The following EPB41L5 variants were observed in gnomAD, a reference collection of about 807,000 sequenced individuals.
The protein encoded by EPB41L5 is erythrocyte membrane protein band 4.1 like 5, also known as band 4.1-like protein 5.
A neutral mutation model predicts 106.6 loss-of-function variants in EPB41L5; 55 were observed. The ratio of observed to expected loss-of-function variants is 0.52; its 90% confidence interval spans 0.42 to 0.65. EPB41L5 has a LOEUF of 0.65. EPB41L5 is among the 30% of genes least tolerant of loss of function. EPB41L5 has a pLI of 0.00. For missense variants in EPB41L5, 871 were observed against 882.1 expected, an observed-to-expected ratio of 0.99 and a Z score of 0.16; for synonymous variants, 297 against 306.7, an observed-to-expected ratio of 0.97 and a Z score of 0.33.
intron 18 of EPB41L5, among the ~76,000 whole-genome samples, chr2:120,135,822 C>T (rs544117300): frequency 5.0e-4 from 76 of 152,104 alleles, no homozygotes; most frequent in Middle Eastern, 6.8e-3. Flanking sequence ...CCAGACCTGT[C>T]TTATAAGAAA....
At chr2:120,140,543 G>A (rs1686126998) in intron 18 of EPB41L5, among the ~76,000 whole-genome samples, 1 of 152,026 alleles carries the variant, frequency 6.6e-6, no homozygotes. Flanking sequence ...AACTTGAGTA[G>A]AAGTTGAGCC....
At position 120,091,558 on chromosome 2, in the gene EPB41L5, G is replaced by C. The variant is rs1255545247; in HGVS notation, c.1047G>C (p.Gly349=). The part of the protein sequence containing the change: ...IRLGSRFRYS[G]KTEYQTTKTN... ...ACTTCTGTTATGCCTCATTTAGTGG[G>C]AAAACAGAGTATCAGACCACAAAAA... Residue 349 remains glycine, a synonymous_variant, in exon 13 of 25, where the codon GGG becomes GGC. Transcript: ENST00000263713. The C allele has an allele frequency of 6.2e-7, 1 of 1,612,472 alleles. No individual in the cohort carries two copies. The highest frequency in any genetic ancestry group is 8.5e-7 in the Non-Finnish European group (1 of 1,178,852).
At chr2:120,067,927 C>A (rs13022293) in intron 3 of EPB41L5, among the ~76,000 whole-genome samples, 104,585 of 152,056 alleles carry the variant, frequency 0.69, 37,521 homozygotes, top group Non-Finnish European at 0.79. Context: ...CAAAATTTAG[C>A]ATGTCATCCT....
intron 17 of EPB41L5, 92 bp from the exon 18 acceptor site, chr2:120,131,526 G>T (rs1303391128): frequency 1.4e-5 from 11 of 768,728 alleles, no homozygotes; most frequent in East Asian, 4.9e-5. Context: ...GATAACTGAT[G>T]TTGAGAAGAC....
chr2:120,132,446 C>CA (rs1162622501), intron 18 of EPB41L5, among the ~76,000 whole-genome samples: 1 of 152,144 alleles, frequency 6.6e-6, no homozygotes, highest in Non-Finnish European at 1.5e-5. Context: ...ACGGCTGACT[C>CA]ACGGTGTTCT....
chr2:120,134,671 G>A (rs779314902), intron 18 of EPB41L5, among the ~76,000 whole-genome samples: 16 of 152,168 alleles, frequency 1.1e-4, no homozygotes, highest in Non-Finnish European at 1.8e-4. Context: ...GAATTCTCCC[G>A]GATCTTACCC....
intron 16 of EPB41L5, among the ~76,000 whole-genome samples, chr2:120,124,089 G>T (rs910771343): frequency 1.3e-5 from 2 of 152,324 alleles, no homozygotes; most frequent in Non-Finnish European, 2.9e-5. Context: ...GATGGCGTAT[G>T]TGCAAATGCT....
chr2:120,137,708 TAA>T (rs1026597695), intron 18 of EPB41L5, among the ~76,000 whole-genome samples: 2 of 151,990 alleles, frequency 1.3e-5, no homozygotes, highest in Non-Finnish European at 2.9e-5. Flanking sequence ...GAAGCTGTAA[TAA>T]AAAGTCTCCC....
intron 3 of EPB41L5, among the ~76,000 whole-genome samples, chr2:120,068,961 C>G (rs1681655073): frequency 6.6e-6 from 1 of 151,680 alleles, no homozygotes; most frequent in South Asian, 2.1e-4. Context: ...AACCCTGTCT[C>G]TACTAAAAAT....
At chr2:120,038,971 A>G (rs910750559) in intron 2 of EPB41L5, among the ~76,000 whole-genome samples, 1 of 152,224 alleles carries the variant, frequency 6.6e-6, no homozygotes, top group African/African-American at 2.4e-5. Context: ...TTTATATGCA[A>G]TGGAATATTT....
chr2:120,039,789 C>T (rs1679281320), intron 2 of EPB41L5, among the ~76,000 whole-genome samples: 1 of 146,910 alleles, frequency 6.8e-6, no homozygotes, highest in African/African-American at 2.5e-5. Flanking sequence ...TGTGCCATTG[C>T]ACTCCAGTCT....
chr2:120,133,072 C>T (rs1255240318), intron 18 of EPB41L5, among the ~76,000 whole-genome samples: 1 of 151,904 alleles, frequency 6.6e-6, no homozygotes, highest in Admixed American at 6.5e-5. Context: ...AGTAAAGGAG[C>T]ACTTTAGGTG....
intron 20 of EPB41L5, among the ~76,000 whole-genome samples, chr2:120,149,995 C>T (rs1293952645): frequency 2.0e-5 from 3 of 149,170 alleles, no homozygotes; most frequent in Non-Finnish European, 3.0e-5. Context: ...TAGGCTCAAA[C>T]GATCCTCCCA....
At position 120,078,500 on chromosome 2, in the gene EPB41L5, A is replaced by G. The variant is rs1218969596; in HGVS notation, c.722A>G (p.Asp241Gly). Residue 241 changes from aspartate (D) to glycine (G), a missense_variant, in exon 10 of 25, where the codon GAT becomes GGT. By Grantham distance (94) the Asp-to-Gly change is moderately conservative. Coordinates refer to ENST00000263713, the MANE Select transcript of EPB41L5 (RefSeq NM_020909.4). ...TTTCTCCCCTTAAATTAGGCTAGAG[A>G]TGGGAATGACTATAGTTTGGGACTA... ...GVDMHVVKAR[D>G]GNDYSLGLTP... is the part of the protein sequence containing the mutation. The G allele has an allele frequency of 6.2e-7, 1 of 1,603,714 alleles. No individual in the cohort carries two copies. Among genetic ancestry groups the G allele is most frequent in the Non-Finnish European group, 8.5e-7 (1 of 1,175,482 alleles).
intron 16 of EPB41L5, among the ~76,000 whole-genome samples, chr2:120,114,027 G>A (rs1292518474): frequency 1.3e-5 from 2 of 152,142 alleles, no homozygotes; most frequent in Admixed American, 6.5e-5. Flanking sequence ...AAATTATTGG[G>A]TCATATAGTA....
intron 16 of EPB41L5, chr2:120,104,127 C>T (rs1018997721): frequency 6.5e-6 from 10 of 1,535,904 alleles, no homozygotes; most frequent in Non-Finnish European, 7.0e-6. Flanking sequence ...CTTGCCCCCA[C>T]CCCAGACCGC....
intron 3 of EPB41L5, among the ~76,000 whole-genome samples, chr2:120,055,481 A>ATTTTTTTTT (rs34856540): frequency 1.6e-4 from 14 of 85,544 alleles, no homozygotes; most frequent in Non-Finnish European, 2.2e-4. Context: ...TAGGTTTTTA[A>ATTTTTTTTT]TTTTTTTTTT....
At chr2:120,051,709 G>GCC (rs1680299998) in intron 3 of EPB41L5, among the ~76,000 whole-genome samples, 1 of 152,192 alleles carries the variant, frequency 6.6e-6, no homozygotes, top group Non-Finnish European at 1.5e-5. Context: ...TGTCCAACAA[G>GCC]CCCCAGTGAG....
intron 14 of EPB41L5, among the ~76,000 whole-genome samples, chr2:120,094,399 T>C (rs1683611832): frequency 6.6e-6 from 1 of 152,112 alleles, no homozygotes; most frequent in Non-Finnish European, 1.5e-5. Context: ...GTATTCCCTT[T>C]TCCTTTGTAT....
Sources: gnomAD v4.1 joint callset for allele counts (sites outside exome capture counted in the v4.1 genomes callset) on GRCh38, gnomAD v4.1.1 for gene constraint, MANE v1.5 for transcripts, NCBI Gene and HGNC (gene_info 2026-07-23, HGNC 2026-07-21) for gene names.